Variants in TEAD1 observed in about 807,000 individuals in gnomAD.
The protein encoded by TEAD1 is TEA domain transcription factor 1.
Under a neutral mutation model 54.9 loss-of-function variants are expected in TEAD1, and 9 were observed. That is an observed-to-expected ratio of 0.16 (90% CI 0.10 to 0.29). The LOEUF (loss-of-function observed/expected upper bound fraction) is 0.29. Among genes scored for constraint, TEAD1 ranks in the 10% least tolerant of loss-of-function variants. The pLI is 1.00. For synonymous variants in TEAD1, 200 were observed against 187.8 expected, an observed-to-expected ratio of 1.07 and a Z score of -0.53; for missense variants, 387 against 535.9, an observed-to-expected ratio of 0.72 and a Z score of 2.74.
At chr11:12,885,303 T>C (rs1268724614) in intron 9 of TEAD1, among the ~76,000 whole-genome samples, 1 of 148,534 alleles carries the variant, frequency 6.7e-6, no homozygotes, top group Non-Finnish European at 1.5e-5. Flanking sequence ...TGGTGTGATC[T>C]CCACTCACTG....
intron 3 of TEAD1, among the ~76,000 whole-genome samples, chr11:12,791,794 A>G (rs896344550): frequency 6.6e-5 from 10 of 152,232 alleles, no homozygotes; most frequent in Non-Finnish European, 4.4e-5. Flanking sequence ...ATTAATAGGC[A>G]GAATAAAGCT....
intron 2 of TEAD1, among the ~76,000 whole-genome samples, chr11:12,760,050 A>G (rs375368428): frequency 1.2e-4 from 19 of 152,236 alleles, no homozygotes; most frequent in Admixed American, 1.1e-3. Flanking sequence ...TACATTTTCT[A>G]TGCAGTCATT....
At chr11:12,783,127 T>TGTGTGTGC (rs1449089919) in intron 3 of TEAD1, among the ~76,000 whole-genome samples, 1 of 150,578 alleles carries the variant, frequency 6.6e-6, no homozygotes, top group African/African-American at 2.4e-5. Flanking sequence ...TGTGTGTGTG[T>TGTGTGTGC]GTGTGTGCGC....
At chr11:12,711,718 A>G (rs543929239) in intron 2 of TEAD1, among the ~76,000 whole-genome samples, 7 of 152,342 alleles carry the variant, frequency 4.6e-5, no homozygotes, top group African/African-American at 1.7e-4. Context: ...ATAAAAGGAA[A>G]CTGCTAAAGA....
intron 2 of TEAD1, among the ~76,000 whole-genome samples, chr11:12,741,612 A>G (rs756579770): frequency 6.6e-6 from 1 of 152,120 alleles, no homozygotes; most frequent in Non-Finnish European, 1.5e-5. Context: ...GTAATTGTCT[A>G]TTCATCTCCT....
intron 12 of TEAD1, among the ~76,000 whole-genome samples, chr11:12,933,018 T>C (rs1002458685): frequency 3.9e-5 from 6 of 152,206 alleles, no homozygotes; most frequent in African/African-American, 1.4e-4. Context: ...CTAGGAGCAA[T>C]AGGCTACACC....
chr11:12,684,662 G>A (rs1207671995), intron 2 of TEAD1, among the ~76,000 whole-genome samples: 1 of 152,192 alleles, frequency 6.6e-6, no homozygotes, highest in African/African-American at 2.4e-5. Context: ...ACTTGGAAGA[G>A]TTGGAGTAAA....
At chr11:12,876,510 G>A (rs749993610) in intron 5 of TEAD1, among the ~76,000 whole-genome samples, 2 of 152,110 alleles carry the variant, frequency 1.3e-5, no homozygotes, top group African/African-American at 4.8e-5. Context: ...GAGGATCCAC[G>A]ATGTTCTTCT....
At chr11:12,741,170 T>A (rs1050532013) in intron 2 of TEAD1, among the ~76,000 whole-genome samples, 3 of 152,276 alleles carry the variant, frequency 2.0e-5, no homozygotes, top group African/African-American at 7.2e-5. Flanking sequence ...CTATGAGAAA[T>A]TTTCCCTTAT....
chr11:12,790,649 T>G (rs2133960881), intron 3 of TEAD1, among the ~76,000 whole-genome samples: 1 of 152,250 alleles, frequency 6.6e-6, no homozygotes, highest in East Asian at 1.9e-4. Flanking sequence ...CATTTGTGTA[T>G]CTTTATTTAC....
intron 2 of TEAD1, among the ~76,000 whole-genome samples, chr11:12,678,451 A>C (rs1270705658): frequency 6.6e-6 from 1 of 152,204 alleles, no homozygotes; most frequent in Admixed American, 6.5e-5. Flanking sequence ...TAAGGCATAG[A>C]TTACCTTGTG....
chr11:12,789,502 G>T (rs1945750669), intron 3 of TEAD1, among the ~76,000 whole-genome samples: 1 of 152,224 alleles, frequency 6.6e-6, no homozygotes, highest in Non-Finnish European at 1.5e-5. Flanking sequence ...CAAGTTTTGA[G>T]TGTGCAAGCC....
intron 3 of TEAD1, among the ~76,000 whole-genome samples, chr11:12,838,601 T>C (rs1946957514): frequency 6.6e-6 from 1 of 152,212 alleles, no homozygotes; most frequent in Non-Finnish European, 1.5e-5. Context: ...AAGTTTATTA[T>C]AGATTGGTTT....
At chr11:12,836,009 A>C (rs545815414) in intron 3 of TEAD1, among the ~76,000 whole-genome samples, 3 of 152,216 alleles carry the variant, frequency 2.0e-5, no homozygotes, top group Non-Finnish European at 2.9e-5. Flanking sequence ...AGAAATGATA[A>C]GAATATGAGG....
intron 2 of TEAD1, among the ~76,000 whole-genome samples, chr11:12,724,232 C>G (rs1458551409): frequency 1.3e-5 from 2 of 152,172 alleles, no homozygotes. Context: ...CTCGTGGGCT[C>G]TCCGTAATGC....
intron 3 of TEAD1, among the ~76,000 whole-genome samples, chr11:12,777,946 T>G (rs1295587152): frequency 3.9e-5 from 6 of 152,236 alleles, no homozygotes; most frequent in Admixed American, 2.0e-4. Context: ...AGGCCTGGAC[T>G]GACCAGGGCA....
At chr11:12,761,147 TC>T (rs990493483) in intron 2 of TEAD1, among the ~76,000 whole-genome samples, 1 of 152,184 alleles carries the variant, frequency 6.6e-6, no homozygotes, top group African/African-American at 2.4e-5. Flanking sequence ...AGTGGATAGA[TC>T]AATTAATGCT....
At chr11:12,916,674 C>T (rs1948718987) in intron 10 of TEAD1, among the ~76,000 whole-genome samples, 1 of 152,232 alleles carries the variant, frequency 6.6e-6, no homozygotes, top group Non-Finnish European at 1.5e-5. Flanking sequence ...CTCACTTCTG[C>T]TGCCTGTGCT....
chr11:12,838,934 A>C (rs954720215), intron 3 of TEAD1, among the ~76,000 whole-genome samples: 1 of 152,206 alleles, frequency 6.6e-6, no homozygotes, highest in Non-Finnish European at 1.5e-5. Context: ...TGGTTTCTCA[A>C]CAGAAAATCT....
Sources: gnomAD v4.1 joint callset for allele counts (sites outside exome capture counted in the v4.1 genomes callset) on GRCh38, gnomAD v4.1.1 for gene constraint, MANE v1.5 for transcripts, NCBI Gene and HGNC (gene_info 2026-07-23, HGNC 2026-07-21) for gene names.